The following PCDHGA3 variants were observed in gnomAD, a reference collection of about 807,000 sequenced individuals.
PCDHGA3 encodes protocadherin gamma-A3.
PCDHGA3 carries 40 observed loss-of-function variants against 58.5 expected under a neutral mutation model. The ratio of observed to expected loss-of-function variants is 0.68; its 90% CI spans 0.53 to 0.89. The LOEUF (loss-of-function observed/expected upper bound fraction) is 0.89, where lower values mean the gene tolerates loss of function less well. Ranked by LOEUF, PCDHGA3 falls within the 40% of genes least tolerant of loss-of-function variation. PCDHGA3 has a pLI of 0.00. For missense variants in PCDHGA3, 1,223 were observed against 1,195.9 expected (o/e 1.02, Z -0.33); for synonymous variants, 530 against 525.7 (o/e 1.01, Z -0.11).
chr5:141,433,079 A>C, intron 1 of PCDHGA3: 1 of 1,614,208 alleles, frequency 6.2e-7, no homozygotes, highest in South Asian at 1.1e-5. Flanking sequence ...CCCCCAGCCC[A>C]ACTATGCAGA....
rs1021096537 is a variant in PCDHGA3, at chr5:141,511,383, T to C, written c.*210T>C. 2 of 1,155,330 alleles carry C rather than the reference T, an allele frequency of 1.7e-6. No homozygotes were observed. Among genetic ancestry groups the C allele is most frequent in the Non-Finnish European group, 2.4e-6 (2 of 841,000 alleles). The allele number at this position is 1,155,330 out of a possible 1,614,324, so 71.6% of individuals were successfully genotyped here. ...GTTGAATATGCAAAAGCAGTTCCGC[T>C]GGGAACCCCCATCCAATCAACTGCT... is the stretch of plus-strand genomic sequence containing the variant. On this transcript the variant is annotated 3_prime_UTR_variant, in exon 4 of 4. Transcript: ENST00000253812.
chr5:141,476,046 C>T lies in PCDHGA3; in HGVS notation c.2425-18761C>T. 6.7e-7 allele frequency: 1 copy of T among 1,491,396 alleles called. No individual in the cohort carries two copies. Among genetic ancestry groups the T allele is most frequent in the Non-Finnish European group, 8.9e-7 (1 of 1,122,928 alleles). 92.4% of individuals were successfully genotyped at this position (1,491,396 alleles called of 1,614,324 possible). On this transcript the variant is annotated intron_variant, in intron 1 of 3. Coordinates refer to ENST00000253812, the MANE Select transcript of PCDHGA3 (RefSeq NM_018916.4). This position sits in a 1 kb window ranked among gnomAD's most constrained non-coding sequence, Gnocchi z 7.6. ...CGGCGCCCAGCGCCCAAGCGCTAAC[C>T]CGCTGAAAGTTTCTCAGCGAAATCT...
intron 1 of PCDHGA3, among the ~76,000 whole-genome samples, chr5:141,357,882 C>T (rs1001848409): frequency 1.3e-5 from 2 of 152,162 alleles, no homozygotes; most frequent in African/African-American, 2.4e-5. Flanking sequence ...TCTGAGCCAC[C>T]TCATTTCCTT....
chr5:141,464,208 T>G (rs915798868), intron 1 of PCDHGA3, among the ~76,000 whole-genome samples: 1 of 148,120 alleles, frequency 6.8e-6, no homozygotes, highest in Admixed American at 6.9e-5. Context: ...GAGATTGCAG[T>G]GAGCTGAGAT....
chr5:141,430,952 C>G, intron 1 of PCDHGA3: 2 of 1,610,382 alleles, frequency 1.2e-6, no homozygotes, highest in African/African-American at 2.7e-5. Flanking sequence ...GCGCGGAGTC[C>G]GCATCATCCC....
At position 141,345,600 on chromosome 5, in the gene PCDHGA3, G is replaced by C. The variant is rs1440053153; in HGVS notation, c.1567G>C (p.Glu523Gln). 2.5e-6 allele frequency: 4 copies of C among 1,614,154 alleles called. No homozygotes were observed. Among genetic ancestry groups the C allele is most frequent in the African/African-American group, 1.3e-5 (1 of 75,018 alleles). The stretch of plus-strand genomic sequence containing the variant: ...ATACGCGCTGAGATCCTTCGACTAC[G>C]AGCAATTTAGAGACTTAAAGCTACT... Reference protein sequence around the residue: ...VLYALRSFDYEQFRDLKLLVT... With the variant: ...VLYALRSFDYQQFRDLKLLVT... Residue 523 changes from glutamate (E) to glutamine (Q), a missense_variant, in exon 1 of 4, where the codon GAG becomes CAG. Coordinates refer to ENST00000253812, the MANE Select transcript of PCDHGA3 (RefSeq NM_018916.4).
intron 1 of PCDHGA3, chr5:141,361,038 C>G: frequency 6.2e-7 from 1 of 1,613,384 alleles, no homozygotes; most frequent in Non-Finnish European, 8.5e-7. Context: ...CAGGAGAAAT[C>G]ACGACAAAGG....
chr5:141,415,740 G>GTTTTTTTTTTTTTTTTTTTTTTTTTT, intron 1 of PCDHGA3: 11 of 617,992 alleles, frequency 1.8e-5, no homozygotes, highest in Middle Eastern at 5.6e-4. Context: ...GTTTATTAAG[G>GTTTTTTTTTTTTTTTTTTTTTTTTTT]TTTTTTTTTT....
At chr5:141,357,644 C>A in intron 1 of PCDHGA3, 4 of 1,610,538 alleles carry the variant, frequency 2.5e-6, no homozygotes, top group Non-Finnish European at 2.5e-6. Flanking sequence ...TATAATAGAT[C>A]ATACCACACT....
At chr5:141,372,895 T>C in intron 1 of PCDHGA3, 1 of 1,115,450 alleles carries the variant, frequency 9.0e-7, no homozygotes, top group South Asian at 1.7e-5. Flanking sequence ...AGATTAAATA[T>C]TCCCTGATTA....
At chr5:141,363,766 C>T (rs532729519) in intron 1 of PCDHGA3, among the ~76,000 whole-genome samples, 1 of 152,236 alleles carries the variant, frequency 6.6e-6, no homozygotes, top group South Asian at 2.1e-4. Context: ...TGCAAATAAG[C>T]ACGTTTTCCT....
In PCDHGA3 at chr5:141,512,223, C is replaced by G. The variant is rs1321595614; in HGVS notation, c.*1050C>G. 6.5e-6 allele frequency: 1 copy of G among 152,728 alleles called. No individual in the cohort carries two copies. The highest frequency in any genetic ancestry group is 1.5e-5 in the Non-Finnish European group (1 of 68,110). 9.5% of individuals were successfully genotyped at this position (152,728 alleles called of 1,614,324 possible). ...CTCGAAGCAGGTTTAGGACCAGGTC[C>G]CCTTGAGAGGTCAGAGGGGCCTCTG... On this transcript the variant is annotated 3_prime_UTR_variant, in exon 4 of 4. Transcript: ENST00000253812.
In PCDHGA3 at chr5:141,486,334, C is replaced by T; in HGVS notation, c.2425-8473C>T. 1.2e-6 allele frequency: 2 copies of T among 1,614,098 alleles called. No individual in the cohort carries two copies. ...CAGGGTCAAACGGAGATGTGAGCCT[C>T]CGCATTCCTGACCACTTGCCATTTG... On this transcript the variant is annotated intron_variant, in intron 1 of 3. Coordinates refer to ENST00000253812, the MANE Select transcript of PCDHGA3 (RefSeq NM_018916.4). This position sits in a 1 kb window ranked among gnomAD's most constrained non-coding sequence, Gnocchi z 5.0.
intron 1 of PCDHGA3, chr5:141,383,938 G>T (rs764534858): frequency 5.0e-6 from 8 of 1,613,866 alleles, no homozygotes; most frequent in Non-Finnish European, 5.9e-6. Context: ...TGCTCCAGAA[G>T]TGACTATGAC....
chr5:141,448,948 AAAAC>A (rs1237948751), intron 1 of PCDHGA3, among the ~76,000 whole-genome samples: 14 of 152,170 alleles, frequency 9.2e-5, no homozygotes, highest in African/African-American at 9.7e-5. Flanking sequence ...GCAACTCAAA[AAAAC>A]AAACAAACAA....
chr5:141,388,941 C>G, intron 1 of PCDHGA3: 1 of 1,613,962 alleles, frequency 6.2e-7, no homozygotes, highest in South Asian at 1.1e-5. Context: ...TCTACCCAAC[C>G]TAATTATGGA....
intron 1 of PCDHGA3, among the ~76,000 whole-genome samples, chr5:141,464,648 G>A (rs776411908): frequency 6.6e-6 from 1 of 152,020 alleles, no homozygotes; most frequent in African/African-American, 2.4e-5. Flanking sequence ...AACCTGATGG[G>A]TAAAAAGATA....
At chr5:141,413,054 A>T in intron 1 of PCDHGA3, 1 of 981,732 alleles carries the variant, frequency 1.0e-6, no homozygotes, top group Non-Finnish European at 1.5e-6. Context: ...AGGGAAGCTC[A>T]CTCCAGAATT....
In PCDHGA3 at chr5:141,344,269, C is replaced by G. The variant is rs755902175; in HGVS notation, c.236C>G (p.Pro79Arg). The G allele has an allele frequency of 1.7e-5, 28 of 1,614,068 alleles. No individual in the cohort carries two copies. The East Asian group carries it at 6.2e-4, about 36-fold the overall frequency. Reference sequence around the variant, plus strand: ...AGGACGCAGCTTTTCTCTCTGAATCCGCAAAGCGGCAGCTTGGTCACCGCG... The same window carrying G: ...AGGACGCAGCTTTTCTCTCTGAATCGGCAAAGCGGCAGCTTGGTCACCGCG... ...RGRTQLFSLNPQSGSLVTAER... is the reference protein window; with the variant it reads ...RGRTQLFSLNRQSGSLVTAER... Residue 79 changes from proline (P) to arginine (R), a missense_variant, in exon 1 of 4, where the codon CCG becomes CGG. Physicochemically the swap from Pro to Arg is moderately radical, Grantham distance 103 (BLOSUM62 -2). Transcript: ENST00000253812.
Sources: gnomAD v4.1 joint callset for allele counts (sites outside exome capture counted in the v4.1 genomes callset) on GRCh38, gnomAD v4.1.1 for gene constraint, Gnocchi (gnomAD v3.1) non-coding constraint, MANE v1.5 for transcripts, NCBI Gene and HGNC (gene_info 2026-07-23, HGNC 2026-07-21) for gene names.